The following NPAS3 variants were observed in gnomAD, a reference collection of about 807,000 sequenced individuals.
NPAS3 encodes neuronal PAS domain protein 3, also known as neuronal PAS domain-containing protein 3.
NPAS3 carries 14 observed loss-of-function variants against 73.1 expected under a neutral mutation model. The observed-to-expected ratio is 0.19, with a 90% CI of 0.13 to 0.30. The LOEUF is 0.30. Among genes scored for constraint, NPAS3 ranks in the 10% least tolerant of loss-of-function variants. The probability of loss-of-function intolerance (pLI) is 1.00; values close to 1 mark genes in which losing one functional copy is unlikely to be tolerated. For synonymous variants in NPAS3, 620 were observed against 541.5 expected (o/e 1.14, Z -2.01); for missense variants, 1,096 against 1,250.0 (o/e 0.88, Z 1.86).
chr14:33,310,828 C>G (rs2042973316), intron 3 of NPAS3, among the ~76,000 whole-genome samples: 1 of 136,762 alleles, frequency 7.3e-6, no homozygotes, highest in Non-Finnish European at 1.6e-5. Flanking sequence ...CACACACACA[C>G]ACACACAAAT....
At chr14:32,938,483 A>AGAGAGAGAG (rs2035782455), upstream of NPAS3, among the ~76,000 whole-genome samples, 3 of 19,476 alleles carry the variant, frequency 1.5e-4, no homozygotes, top group African/African-American at 1.0e-3. Context: ...GAGAGAGAGA[A>AGAGAGAGAG]ATTGAGAGAG....
At chr14:33,276,362 GT>G (rs775824706) in intron 3 of NPAS3, among the ~76,000 whole-genome samples, 3 of 152,130 alleles carry the variant, frequency 2.0e-5, no homozygotes, top group Non-Finnish European at 4.4e-5. Context: ...AGTATCTCTT[GT>G]AGATCTTATC....
intron 4 of NPAS3, among the ~76,000 whole-genome samples, chr14:33,535,489 A>G (rs1471848369): frequency 6.6e-6 from 1 of 152,178 alleles, no homozygotes; most frequent in African/African-American, 2.4e-5. Flanking sequence ...TTGTGTATCT[A>G]TAAACTGTAG....
chr14:33,568,877 C>T (rs543772435), intron 5 of NPAS3, among the ~76,000 whole-genome samples: 56 of 152,288 alleles, frequency 3.7e-4, no homozygotes, highest in Middle Eastern at 6.8e-3. Flanking sequence ...CTTTCATCCT[C>T]ACTCCCTTCT....
At chr14:33,697,022 T>C (rs1171484022) in intron 6 of NPAS3, among the ~76,000 whole-genome samples, 2 of 152,246 alleles carry the variant, frequency 1.3e-5, no homozygotes, top group Non-Finnish European at 2.9e-5. Context: ...ATGGGCCTTT[T>C]CTGAGCTATA....
At chr14:33,280,109 C>A (rs2041529442) in intron 3 of NPAS3, among the ~76,000 whole-genome samples, 1 of 152,148 alleles carries the variant, frequency 6.6e-6, no homozygotes, top group African/African-American at 2.4e-5. Context: ...AGTCTCAGCA[C>A]ACAAGAAGCT....
chr14:33,014,353 T>A (rs2039319901), intron 1 of NPAS3, among the ~76,000 whole-genome samples: 1 of 152,146 alleles, frequency 6.6e-6, no homozygotes. Context: ...TGTGGAGAAA[T>A]ATAAATTTGT....
chr14:33,328,446 C>CTTTTTTTTTTTTTTTTTTTTTT lies in NPAS3; in HGVS notation c.386-38723_386-38702dup, dbSNP rs58411120. ...TTTATCTTTCTTTTCCTTTTCTTTT[C>CTTTTTTTTTTTTTTTTTTTTTT]TTTTTTTTTTTTTTTTTTTTTTTTT... On this transcript the variant is annotated intron_variant, in intron 3 of 11. Coordinates refer to ENST00000356141, the Ensembl canonical transcript of NPAS3. 8.1e-5 allele frequency among the ~76,000 whole-genome samples: 4 copies of CTTTTTTTTTTTTTTTTTTTTTT among 49,584 alleles called. 1 individual carries two copies. The highest frequency in any genetic ancestry group is 1.5e-4 in the Non-Finnish European group (4 of 26,758). 32.5% of individuals were successfully genotyped at this position (49,584 alleles called of 152,430 possible).
intron 6 of NPAS3, among the ~76,000 whole-genome samples, chr14:33,719,405 T>C (rs531737787): frequency 4.6e-5 from 7 of 152,292 alleles, no homozygotes; most frequent in African/African-American, 1.7e-4. Context: ...CCATGAAAGC[T>C]TACATTTACT....
chr14:33,663,439 T>C (rs1283690863), intron 5 of NPAS3, among the ~76,000 whole-genome samples: 2 of 152,210 alleles, frequency 1.3e-5, no homozygotes, highest in African/African-American at 4.8e-5. Context: ...GTGGATAAGC[T>C]TTTTGATGTG....
intron 1 of NPAS3, among the ~76,000 whole-genome samples, chr14:33,009,835 C>T (rs1175210758): frequency 6.6e-6 from 1 of 152,074 alleles, no homozygotes; most frequent in African/African-American, 2.4e-5. Context: ...AGCCCCAAAC[C>T]TCCAACACCA....
downstream of NPAS3, chr14:33,802,392 G>GAAAAAAAAAAAAAAAA (rs1161378596): frequency 4.3e-5 from 4 of 92,182 alleles, no homozygotes; most frequent in Middle Eastern, 5.4e-3. Context: ...AAAAAAAAAA[G>GAAAAAAAAAAAAAAAA]AAAAAAAAAA....
intron 4 of NPAS3, among the ~76,000 whole-genome samples, chr14:33,443,226 C>T (rs2049331833): frequency 6.6e-6 from 1 of 151,504 alleles, no homozygotes; most frequent in Non-Finnish European, 1.5e-5. Flanking sequence ...CTAAAAACAT[C>T]ATTATACTTA....
At chr14:33,560,375 G>C in intron 5 of NPAS3, 165 bp downstream of exon 5, 1 of 479,030 alleles carries the variant, frequency 2.1e-6, no homozygotes, top group Non-Finnish European at 3.8e-6. Flanking sequence ...CTGTGTGTCA[G>C]TGTTGAACAT....
chr14:33,311,381 T>C (rs1051573222), intron 3 of NPAS3, among the ~76,000 whole-genome samples: 1 of 152,136 alleles, frequency 6.6e-6, no homozygotes, highest in Non-Finnish European at 1.5e-5. Context: ...TTTCCTCTGG[T>C]ATATTAGTGG....
intron 6 of NPAS3, among the ~76,000 whole-genome samples, chr14:33,699,988 T>C (rs1038841787): frequency 6.6e-6 from 1 of 152,202 alleles, no homozygotes; most frequent in Non-Finnish European, 1.5e-5. Context: ...ATATGCTTAC[T>C]GTAAATCATG....
chr14:33,503,875 C>T (rs146730153), intron 4 of NPAS3, among the ~76,000 whole-genome samples: 92 of 151,948 alleles, frequency 6.1e-4, no homozygotes, highest in East Asian at 4.9e-3. Flanking sequence ...AGGAAACATT[C>T]GTAACTCAAT....
chr14:33,161,722 A>G (rs1454921235), intron 2 of NPAS3, among the ~76,000 whole-genome samples: 1 of 152,242 alleles, frequency 6.6e-6, no homozygotes, highest in African/African-American at 2.4e-5. Flanking sequence ...GAGAACTGGA[A>G]AGGTAGGTTC....
intron 1 of NPAS3, among the ~76,000 whole-genome samples, chr14:33,030,893 C>T (rs1566484556): frequency 6.8e-6 from 1 of 147,818 alleles, no homozygotes; most frequent in African/African-American, 2.6e-5. Flanking sequence ...TTTTAATAGA[C>T]ATTTTTTTGT....
Sources: allele counts gnomAD v4.1 joint callset (sites outside exome capture counted in the v4.1 genomes callset), GRCh38; gene constraint gnomAD v4.1.1; transcripts MANE v1.5; gene names NCBI Gene and HGNC (gene_info 2026-07-23, HGNC 2026-07-21).